Variants in IGSF10 observed in about 807,000 individuals in gnomAD.
The protein encoded by IGSF10 is calvaria mechanical force protein 608.
A neutral mutation model predicts 128.2 loss-of-function variants in IGSF10; 126 were observed. The observed-to-expected ratio is 0.98, with a 90% CI of 0.85 to 1.14. IGSF10 has a LOEUF of 1.14. Among genes scored for constraint, IGSF10 ranks in the 50% most tolerant of loss-of-function variants. IGSF10 has a pLI of 0.00. For missense variants in IGSF10, 3,295 were observed against 3,149.8 expected, an observed-to-expected ratio of 1.05 and a Z score of -1.10; for synonymous variants, 1,185 against 1,146.2, an observed-to-expected ratio of 1.03 and a Z score of -0.68.
chr3:151,517,713 T>C, the IGSF10 span, among the ~76,000 whole-genome samples: 1 of 151,944 alleles, frequency 6.6e-6, no homozygotes, highest in African/African-American at 2.4e-5. Flanking sequence ...TGGGAGGCCA[T>C]TGTTCTGGAA....
chr3:151,481,032 G>GC, the IGSF10 span, among the ~76,000 whole-genome samples: 1 of 152,058 alleles, frequency 6.6e-6, no homozygotes, highest in African/African-American at 2.4e-5. Context: ...AGCATGCTAC[G>GC]CCCCAGGAAG....
chr3:151,496,349 T>TC, the IGSF10 span, among the ~76,000 whole-genome samples: 1 of 105,216 alleles, frequency 9.5e-6, no homozygotes, highest in Non-Finnish European at 1.9e-5. Flanking sequence ...CCTTCCCCCC[T>TC]CCCCCCACCC....
At chr3:151,608,858 G>C in the IGSF10 span, among the ~76,000 whole-genome samples, 3 of 152,310 alleles carry the variant, frequency 2.0e-5, no homozygotes, top group African/African-American at 7.2e-5. Context: ...ATATAATGGA[G>C]AAAGAAAATG....
intron 7 of IGSF10, among the ~76,000 whole-genome samples, chr3:151,439,808 A>T (rs1720730235): frequency 6.6e-6 from 1 of 152,184 alleles, no homozygotes; most frequent in Non-Finnish European, 1.5e-5. Context: ...CAGATGGCAG[A>T]TCTTTCCTGG....
the IGSF10 span, among the ~76,000 whole-genome samples, chr3:151,555,373 C>G: frequency 0.016 from 2,448 of 151,852 alleles, 22 homozygotes; most frequent in South Asian, 0.025. Context: ...TAGAGAGGAA[C>G]TAGGACTTAC....
the IGSF10 span, among the ~76,000 whole-genome samples, chr3:151,501,390 T>C: frequency 0.015 from 2,285 of 152,066 alleles, 19 homozygotes; most frequent in Middle Eastern, 0.027. Flanking sequence ...TCATAACATT[T>C]AACTTCCAGG....
intron 7 of IGSF10, chr3:151,440,668 AC>A (rs1720799294): frequency 2.2e-6 from 1 of 456,132 alleles, no homozygotes; most frequent in Non-Finnish European, 4.4e-6. Flanking sequence ...TGGTTCTTAA[AC>A]TTGGCTAAAC....
chr3:151,451,059 T>C (rs1252677946), intron 5 of IGSF10, among the ~76,000 whole-genome samples: 1 of 152,148 alleles, frequency 6.6e-6, no homozygotes, highest in African/African-American at 2.4e-5. Context: ...GCATGCTTAT[T>C]ATTGCTTGCA....
chr3:151,614,339 A>G, the IGSF10 span, among the ~76,000 whole-genome samples: 1 of 152,196 alleles, frequency 6.6e-6, no homozygotes, highest in Admixed American at 6.5e-5. Context: ...CCAAAGGACT[A>G]TAAATCATGC....
chr3:151,569,397 G>A, the IGSF10 span, among the ~76,000 whole-genome samples: 1 of 152,118 alleles, frequency 6.6e-6, no homozygotes, highest in Non-Finnish European at 1.5e-5. Context: ...TATCACTTGT[G>A]TGCCTCTCAT....
the IGSF10 span, among the ~76,000 whole-genome samples, chr3:151,598,183 G>T: frequency 6.6e-6 from 1 of 151,646 alleles, no homozygotes; most frequent in African/African-American, 2.4e-5. Flanking sequence ...TTCCTGCCCT[G>T]GGTTTGTAGT....
At chr3:151,504,574 TCA>T in the IGSF10 span, among the ~76,000 whole-genome samples, 5 of 152,184 alleles carry the variant, frequency 3.3e-5, no homozygotes, top group Admixed American at 1.3e-4. Flanking sequence ...CATATCAAAC[TCA>T]CATTTCCAAT....
rs761721524 is a variant in IGSF10, at chr3:151,437,354, G to C, written c.7207C>G (p.Arg2403Gly). The change falls in exon 8 of 8, where the codon CGG (arginine) becomes GGG (glycine). Residue 2403 changes from arginine to glycine, a missense_variant. Coordinates refer to ENST00000282466, the MANE Select transcript of IGSF10 (RefSeq NM_178822.5). ...NGSFIISKTT[R>G]EDAGKYRCAA... ...CAGCGATATTTTCCTGCATCCTCCC[G>C]AGTTGTTTTAGAAATGATAAAAGAA... 6.2e-7 allele frequency: 1 copy of C among 1,614,110 alleles called. No homozygotes were observed. Among genetic ancestry groups the C allele is most frequent in the South Asian group, 1.1e-5 (1 of 91,070 alleles).
rs1428876873 is a variant in IGSF10 at position 151,437,347 on chromosome 3, T to C, written c.7214A>G (p.Asp2405Gly). 1 of 1,614,204 alleles carries C rather than the reference T, an allele frequency of 6.2e-7. No homozygotes were observed. Among genetic ancestry groups the C allele is most frequent in the South Asian group, 1.1e-5 (1 of 91,086 alleles). Residue 2405 changes from aspartate (D) to glycine (G), a missense_variant, in exon 8 of 8, where the codon GAT becomes GGT. Coordinates refer to ENST00000282466, the MANE Select transcript of IGSF10 (RefSeq NM_178822.5). Reference protein sequence around the residue: ...SFIISKTTREDAGKYRCAARN... With the variant: ...SFIISKTTREGAGKYRCAARN... Reference sequence around the variant, plus strand: ...AGCTGCACAGCGATATTTTCCTGCATCCTCCCGAGTTGTTTTAGAAATGAT... The same window carrying C: ...AGCTGCACAGCGATATTTTCCTGCACCCTCCCGAGTTGTTTTAGAAATGAT...
chr3:151,568,338 G>GCCTCCTC, the IGSF10 span, among the ~76,000 whole-genome samples: 1 of 152,140 alleles, frequency 6.6e-6, no homozygotes, highest in Non-Finnish European at 1.5e-5. Flanking sequence ...CAGACACTGT[G>GCCTCCTC]CAAACCAAAA....
At chr3:151,616,908 G>A in the IGSF10 span, among the ~76,000 whole-genome samples, 1 of 152,130 alleles carries the variant, frequency 6.6e-6, no homozygotes, top group African/African-American at 2.4e-5. Flanking sequence ...ATCTGGTAAG[G>A]GCCTTTTTAC....
chr3:151,510,965 G>A, the IGSF10 span, among the ~76,000 whole-genome samples: 1 of 151,728 alleles, frequency 6.6e-6, no homozygotes, highest in Non-Finnish European at 1.5e-5. Context: ...GGGACTATGT[G>A]AAAAGACCAA....
chr3:151,528,458 A>G, the IGSF10 span, among the ~76,000 whole-genome samples: 2 of 152,230 alleles, frequency 1.3e-5, no homozygotes, highest in East Asian at 3.9e-4. Flanking sequence ...TCCCAGCAAG[A>G]CTGATGCAGA....
the IGSF10 span, among the ~76,000 whole-genome samples, chr3:151,509,412 A>G: frequency 6.6e-6 from 1 of 152,228 alleles, no homozygotes; most frequent in Non-Finnish European, 1.5e-5. Context: ...CAGCAGTCCA[A>G]TGTTAAACAT....
Sources: gnomAD v4.1 joint callset for allele counts (sites outside exome capture counted in the v4.1 genomes callset) on GRCh38, gnomAD v4.1.1 for gene constraint, MANE v1.5 for transcripts, NCBI Gene and HGNC (gene_info 2026-07-23, HGNC 2026-07-21) for gene names.